ICMT: variants seen among roughly 807,000 people sequenced by gnomAD.
ICMT encodes protein-S-isoprenylcysteine O-methyltransferase.
Under a neutral mutation model 32.2 loss-of-function variants are expected in ICMT, and 10 were observed. The observed-to-expected ratio is 0.31, with a 90% CI of 0.19 to 0.53. The LOEUF (loss-of-function observed/expected upper bound fraction) is 0.53, where lower values mean the gene tolerates loss of function less well. ICMT is among the 20% of genes least tolerant of loss of function. ICMT has a pLI of 0.96. For synonymous variants in ICMT, 183 were observed against 158.2 expected (o/e 1.16, Z -1.18); for missense variants, 265 against 356.9 (o/e 0.74, Z 2.07).
chr1:6,228,924 C>G (rs926881812), intron 4 of ICMT, among the ~76,000 whole-genome samples: 4 of 151,742 alleles, frequency 2.6e-5, no homozygotes, highest in Non-Finnish European at 5.9e-5. Context: ...CCCAGCTACT[C>G]GCGGGGGCTG....
At position 6,235,926 on chromosome 1, in the gene ICMT, G is replaced by A. The variant is rs1413342828; in HGVS notation, c.-15C>T. The A allele has an allele frequency of 3.6e-6, 4 of 1,106,392 alleles. No individual in the cohort carries two copies. The highest frequency in any genetic ancestry group is 3.9e-4 in the Middle Eastern group (1 of 2,596). 68.5% of individuals were successfully genotyped at this position (1,106,392 alleles called of 1,614,324 possible). A position where few individuals can be genotyped will look rare whatever the true frequency, so the allele number is the denominator to read the frequency against. ...CAGCCCGCCATGGCGCCGGGCGGCG[G>A]ACTAGCGGGCGGCGGCGCCGGCTGT... On this transcript the variant is annotated 5_prime_UTR_variant, in exon 1 of 5. Transcript: ENST00000343813.
intron 4 of ICMT, among the ~76,000 whole-genome samples, chr1:6,226,262 G>T (rs1436779500): frequency 2.0e-5 from 3 of 152,144 alleles, no homozygotes; most frequent in Non-Finnish European, 4.4e-5. Flanking sequence ...TGGGCGTAGT[G>T]GTGGGAGCCT....
intron 4 of ICMT, among the ~76,000 whole-genome samples, chr1:6,231,384 G>T (rs1668733737): frequency 2.0e-5 from 3 of 151,930 alleles, no homozygotes; most frequent in Admixed American, 2.0e-4. Context: ...CCCCCTCTGG[G>T]GTGCTTCAGA....
Position 6,235,944 on chromosome 1 carries a change from C to A in ICMT, c.-33G>T. The stretch of plus-strand genomic sequence containing the variant: ...GGCGGCGGACTAGCGGGCGGCGGCG[C>A]CGGCTGTAGCCCGGAGAAACGCGCC... On this transcript the variant is annotated 5_prime_UTR_variant, in exon 1 of 5. Coordinates refer to ENST00000343813, the MANE Select transcript of ICMT (RefSeq NM_012405.4). 1 of 1,072,704 alleles carries A rather than the reference C, an allele frequency of 9.3e-7. No homozygotes were observed. The highest frequency in any genetic ancestry group is 1.1e-6 in the Non-Finnish European group (1 of 880,980). 66.4% of individuals were successfully genotyped at this position (1,072,704 alleles called of 1,614,324 possible). A position where few individuals can be genotyped will look rare whatever the true frequency, so the allele number is the denominator to read the frequency against.
At chr1:6,234,800 T>C (rs1305850468) in intron 2 of ICMT, 86 bp downstream of exon 2, 2 of 1,008,782 alleles carry the variant, frequency 2.0e-6, no homozygotes, top group African/African-American at 3.2e-5. Flanking sequence ...CGGTCACAGA[T>C]GAGACAGGGA....
chr1:6,229,297 G>C (rs1196715947), intron 4 of ICMT, among the ~76,000 whole-genome samples: 1 of 152,092 alleles, frequency 6.6e-6, no homozygotes, highest in Non-Finnish European at 1.5e-5. Flanking sequence ...TGACCAACAT[G>C]GAGAAACCCC....
chr1:6,231,487 A>C (rs185944628), intron 4 of ICMT, among the ~76,000 whole-genome samples: 1 of 152,082 alleles, frequency 6.6e-6, no homozygotes, highest in African/African-American at 2.4e-5. Flanking sequence ...TGGGAGGATC[A>C]CTTAAGGCCA....
chr1:6,231,574 C>T (rs1668737848), intron 4 of ICMT, among the ~76,000 whole-genome samples: 1 of 150,614 alleles, frequency 6.6e-6, no homozygotes, highest in Non-Finnish European at 1.5e-5. Context: ...AGAAAACAAA[C>T]AAACAGAGGC....
At chr1:6,228,313 G>A (rs1282986135) in intron 4 of ICMT, among the ~76,000 whole-genome samples, 3 of 151,576 alleles carry the variant, frequency 2.0e-5, no homozygotes, top group Admixed American at 6.6e-5. Context: ...TGGAGAGAAG[G>A]GTTCTCACTA....
Position 6,232,093 on chromosome 1 carries a change from C to T in ICMT, c.481G>A (p.Val161Ile). Residue 161 changes from valine to isoleucine, a missense_variant, in exon 4 of 5, where the codon GTC becomes ATC. Coordinates refer to ENST00000343813, the MANE Select transcript of ICMT (RefSeq NM_012405.4). ...AAGACCACCATCAGCAGCCCTGTGA[C>T]ACTGAGCCAGGTAATCTGCTTCAGT... Reference protein sequence around the residue: ...PELKQITWLSVTGLLMVVFGE... With the variant: ...PELKQITWLSITGLLMVVFGE... 6.2e-7 allele frequency: 1 copy of T among 1,614,004 alleles called. No individual in the cohort carries two copies. Among genetic ancestry groups the T allele is most frequent in the South Asian group, 1.1e-5 (1 of 91,058 alleles).
chr1:6,234,349 G>A (rs554517029), intron 2 of ICMT: 4 of 394,496 alleles, frequency 1.0e-5, no homozygotes, highest in East Asian at 7.4e-5. Flanking sequence ...AAATAATTCC[G>A]GCAAAGAAGG....
At position 6,234,915 on chromosome 1, in the gene ICMT, A is replaced by G. The variant is rs537451128; in HGVS notation, c.255T>C (p.Phe85=). ...FVFGCGTLLS[F]SQSSWSHFGW... ...CAAAGTGACTCCAAGAAGACTGGCTAAAACTTAGCAGCGTGCCGCAGCCGA... is the reference window on the plus strand; with the variant it reads ...CAAAGTGACTCCAAGAAGACTGGCTGAAACTTAGCAGCGTGCCGCAGCCGA... The change falls in exon 2 of 5, where the codon TTT becomes TTC. Residue 85 remains phenylalanine, a synonymous_variant. Transcript: ENST00000343813. 2 of 1,614,004 alleles carry G rather than the reference A, an allele frequency of 1.2e-6. No homozygotes were observed. The highest frequency in any genetic ancestry group is 2.7e-5 in the African/African-American group (2 of 75,058).
intron 4 of ICMT, among the ~76,000 whole-genome samples, chr1:6,229,275 T>TC (rs1668693429): frequency 1.3e-5 from 2 of 152,172 alleles, no homozygotes; most frequent in South Asian, 4.1e-4. Context: ...GGTTGGGAGT[T>TC]CGAGAACAGC....
intron 4 of ICMT, among the ~76,000 whole-genome samples, chr1:6,230,109 G>T (rs996572675): frequency 3.4e-5 from 5 of 146,570 alleles, no homozygotes; most frequent in Non-Finnish European, 7.4e-5. Context: ...GGGCAACAAA[G>T]GAGGAACCAT....
At position 6,221,565 on chromosome 1, in the gene ICMT, G is replaced by A. The variant is rs536919162; in HGVS notation, c.*3515C>T. On this transcript the variant is annotated 3_prime_UTR_variant, in exon 5 of 5. Transcript: ENST00000343813. ...GGGACAGTGGTGTGCTGTGCGTATC[G>A]TGGGGGTACTCCTAAGCAGCTAGCT... The A allele has an allele frequency of 2.6e-5, 4 of 152,838 alleles. No homozygotes were observed. Among genetic ancestry groups the A allele is most frequent in the African/African-American group, 7.2e-5 (3 of 41,604 alleles). 9.5% of individuals were successfully genotyped at this position (152,838 alleles called of 1,614,324 possible). A position where few individuals can be genotyped will look rare whatever the true frequency, so the allele number is the denominator to read the frequency against.
chr1:6,227,944 G>A (rs2100962570), intron 4 of ICMT, among the ~76,000 whole-genome samples: 2 of 152,114 alleles, frequency 1.3e-5, no homozygotes, highest in Non-Finnish European at 2.9e-5. Context: ...GCAGTGAGAG[G>A]ACTGCTTGAG....
chr1:6,230,967 C>G (rs1224978015), intron 4 of ICMT, among the ~76,000 whole-genome samples: 1 of 151,422 alleles, frequency 6.6e-6, no homozygotes. Flanking sequence ...TTTGAGAGGC[C>G]CAGGAAGGCA....
chr1:6,224,873 C>T lies in ICMT; in HGVS notation c.*207G>A, dbSNP rs1162525156. 1.6e-5 allele frequency: 9 copies of T among 560,208 alleles called. No individual in the cohort carries two copies. The highest frequency in any genetic ancestry group is 3.2e-5 in the Admixed American group (1 of 30,904). The allele number at this position is 560,208 out of a possible 1,614,324, so 34.7% of individuals were successfully genotyped here. Reference sequence around the variant, plus strand: ...CCTTACTCGTCTTTCACCCATGTTCCGCCTTGATTCGGCATAAGGACAGAC... The same window carrying T: ...CCTTACTCGTCTTTCACCCATGTTCTGCCTTGATTCGGCATAAGGACAGAC... On this transcript the variant is annotated 3_prime_UTR_variant, in exon 5 of 5. Transcript: ENST00000343813.
At chr1:6,226,764 C>T (rs1045966102) in intron 4 of ICMT, among the ~76,000 whole-genome samples, 1 of 152,190 alleles carries the variant, frequency 6.6e-6, no homozygotes, top group Non-Finnish European at 1.5e-5. Context: ...TTTTTAAAGA[C>T]AGGGTCTCAC....
Sources: gnomAD v4.1 joint callset for allele counts (sites outside exome capture counted in the v4.1 genomes callset) on GRCh38, gnomAD v4.1.1 for gene constraint, MANE v1.5 for transcripts, NCBI Gene and HGNC (gene_info 2026-07-23, HGNC 2026-07-21) for gene names.